Variants in PSMA4 observed in about 807,000 individuals in gnomAD.
PSMA4 encodes proteasome subunit alpha type-4.
In PSMA4, 8 loss-of-function variants were observed where a neutral mutation model predicts 37.2. That is an observed-to-expected ratio of 0.22 (90% CI 0.13 to 0.39). PSMA4 has a LOEUF of 0.39. PSMA4 is among the 10% of genes least tolerant of loss of function. The probability of loss-of-function intolerance (pLI) is 1.00; values close to 1 mark genes in which losing one functional copy is unlikely to be tolerated. For synonymous variants in PSMA4, 93 were observed against 98.8 expected, an observed-to-expected ratio of 0.94 and a Z score of 0.35; for missense variants, 169 against 305.1, an observed-to-expected ratio of 0.55 and a Z score of 3.32.
At position 78,550,215 on chromosome 15, in the gene PSMA4, A is replaced by G. The variant is rs1166688226; in HGVS notation, c.*1271A>G. 6.6e-6 allele frequency: 1 copy of G among 152,220 alleles called. No homozygotes were observed. Among genetic ancestry groups the G allele is most frequent in the African/African-American group, 2.4e-5 (1 of 41,456 alleles). 9.4% of individuals were successfully genotyped at this position (152,220 alleles called of 1,614,324 possible). A position where few individuals can be genotyped will look rare whatever the true frequency, so the allele number is the denominator to read the frequency against. ...ACAAGCCACTGGTCACATTTTTATC[A>G]ACTGATCAGTACATAACCTGTTTTT... is the stretch of plus-strand genomic sequence containing the variant. On this transcript the variant is annotated 3_prime_UTR_variant, in exon 9 of 9. Transcript: ENST00000044462.
At chr15:78,543,628 A>C (rs916268078) in intron 4 of PSMA4, among the ~76,000 whole-genome samples, 1 of 138,974 alleles carries the variant, frequency 7.2e-6, no homozygotes, top group Non-Finnish European at 1.5e-5. Context: ...GAGTACGGTG[A>C]CGCCATCTTG....
rs2052643795 is a variant in PSMA4 at position 78,551,554 on chromosome 15, T to TA, written c.*2610_*2611insA. 6.6e-6 allele frequency: 1 copy of TA among 152,000 alleles called. No homozygotes were observed. The highest frequency in any genetic ancestry group is 1.5e-5 in the Non-Finnish European group (1 of 68,032). 9.4% of individuals were successfully genotyped at this position (152,000 alleles called of 1,614,324 possible). A position where few individuals can be genotyped will look rare whatever the true frequency, so the allele number is the denominator to read the frequency against. On this transcript the variant is annotated 3_prime_UTR_variant, in exon 9 of 9. Transcript: ENST00000044462. ...TTTTCTATTCCCTATACATACCCTG[T>TA]TGAGTTTTTCTCCATAGCACTCATC...
chr15:78,540,469 C>A lies in PSMA4; in HGVS notation c.-94C>A, dbSNP rs1278048423. 1 of 152,424 alleles carries A rather than the reference C, an allele frequency of 6.6e-6. No homozygotes were observed. The highest frequency in any genetic ancestry group is 1.5e-5 in the Non-Finnish European group (1 of 68,200). The allele number at this position is 152,424 out of a possible 1,614,324, so 9.4% of individuals were successfully genotyped here. On this transcript the variant is annotated 5_prime_UTR_variant, in exon 1 of 9. Transcript: ENST00000044462. ...ATATTAGCAGCGGTTATTCGGTGAG[C>A]GGTGGTGGTTTATTCTTCCGTGGAG...
chr15:78,544,816 A>C (rs911429874), intron 5 of PSMA4, 53 bp from the exon 6 acceptor site: 49 of 1,232,204 alleles, frequency 4.0e-5, no homozygotes, highest in Non-Finnish European at 5.8e-5. Flanking sequence ...TTTTCCTTAG[A>C]GTCTGTCTGT....
intron 8 of PSMA4, among the ~76,000 whole-genome samples, chr15:78,548,231 CA>C (rs938797848): frequency 3.1e-4 from 44 of 141,892 alleles, no homozygotes; most frequent in South Asian, 4.5e-4. Flanking sequence ...AACTCCATCT[CA>C]AAAAAAAAAA....
intron 2 of PSMA4, 32 bp downstream of exon 2, chr15:78,541,962 C>T: frequency 6.3e-7 from 1 of 1,589,804 alleles, no homozygotes; most frequent in African/African-American, 1.4e-5. Flanking sequence ...TAAACGGTTG[C>T]CTGATAAACA....
intron 4 of PSMA4, 131 bp downstream of exon 4, chr15:78,542,776 C>T: frequency 2.4e-6 from 2 of 825,172 alleles, no homozygotes; most frequent in Non-Finnish European, 3.7e-6. Context: ...TGCTTGAAAC[C>T]TCTTTGAGGC....
intron 2 of PSMA4, 43 bp from the exon 3 acceptor site, chr15:78,542,134 A>G (rs41280046): frequency 0.05 from 79,894 of 1,596,852 alleles, 2,221 homozygotes; most frequent in Non-Finnish European, 0.057. Context: ...GAGTTGGCCT[A>G]CTTTCAGTGG....
chr15:78,545,544 T>G, intron 6 of PSMA4, 90 bp from the exon 7 acceptor site: 1 of 1,397,824 alleles, frequency 7.2e-7, no homozygotes, highest in Non-Finnish European at 1.0e-6. Context: ...GTTCACAGAG[T>G]AGGGTTTAGC....
intron 8 of PSMA4, among the ~76,000 whole-genome samples, chr15:78,548,461 G>A (rs1244097258): frequency 2.6e-5 from 4 of 152,060 alleles, no homozygotes; most frequent in East Asian, 3.8e-4. Context: ...TGAAGATTCT[G>A]GCTGAGCCCT....
At chr15:78,544,070 G>A (rs1438696224) in intron 4 of PSMA4, 120 bp from the exon 5 acceptor site, 4 of 657,228 alleles carry the variant, frequency 6.1e-6, no homozygotes, top group Non-Finnish European at 1.0e-5. Context: ...TCTGAAGGAA[G>A]TAGCTGTTGT....
chr15:78,544,065 A>C, intron 4 of PSMA4, 125 bp from the exon 5 acceptor site: 1 of 635,544 alleles, frequency 1.6e-6, no homozygotes, highest in East Asian at 2.9e-5. Context: ...TTTTTTCTGA[A>C]GGAAGTAGCT....
intron 8 of PSMA4, among the ~76,000 whole-genome samples, 188 bp downstream of exon 8, chr15:78,546,886 C>T (rs2052563092): frequency 6.6e-6 from 1 of 151,996 alleles, no homozygotes; most frequent in Non-Finnish European, 1.5e-5. Flanking sequence ...CTGCCTCAGC[C>T]TGCCGAGTAG....
rs139201724 is a variant in PSMA4, at chr15:78,548,180, G to A, written c.632-610G>A. On this transcript the variant is annotated intron_variant, in intron 8 of 8. Coordinates refer to ENST00000044462, the MANE Select transcript of PSMA4 (RefSeq NM_002789.6). ...CAGGAGGTGGAGGTTGCAGTGAGCC[G>A]AGTTTGCGCCATTGCACTCCAGCCT... 6.8e-3 allele frequency among the ~76,000 whole-genome samples: 1,033 copies of A among 151,952 alleles called. 18 individuals are homozygous for A. Among genetic ancestry groups the A allele is most frequent in the African/African-American group, 0.023 (972 of 41,438 alleles).
chr15:78,541,347 A>C (rs1255606898), intron 1 of PSMA4: 1 of 156,718 alleles, frequency 6.4e-6, no homozygotes, highest in African/African-American at 2.4e-5. Context: ...TTCAGGACCC[A>C]GATCACTCTC....
rs1979905 is a variant in PSMA4 at position 78,550,032 on chromosome 15, A to C, written c.*1088A>C. The C allele has an allele frequency of 0.67, 101,213 of 152,140 alleles. 34,375 individuals carry two copies. The highest frequency in any genetic ancestry group is 0.84 in the East Asian group (4,332 of 5,178). 9.4% of individuals were successfully genotyped at this position (152,140 alleles called of 1,614,324 possible). A position where few individuals can be genotyped will look rare whatever the true frequency, so the allele number is the denominator to read the frequency against. Reference sequence around the variant, plus strand: ...GTTTTCTGTATAGGCTAAAGTATTTACAAGCCCTATTTGCAGCACTTTTTT... The same window carrying C: ...GTTTTCTGTATAGGCTAAAGTATTTCCAAGCCCTATTTGCAGCACTTTTTT... On this transcript the variant is annotated 3_prime_UTR_variant, in exon 9 of 9. Transcript: ENST00000044462.
Position 78,548,904 on chromosome 15 carries a change from G to A in PSMA4, c.746G>A (p.Arg249His), listed in dbSNP as rs754693970. The change falls in exon 9 of 9, where the codon CGT becomes CAT. Residue 249 changes from arginine to histidine, a missense_variant. Physicochemically the swap from Arg to His is conservative, Grantham distance 29. This residue lies in a region of PSMA4 where 90 missense variants were observed against 92.7 expected (regional missense o/e 0.97). Transcript: ENST00000044462. ...KHEEEEAKAEREKKEKEQKEK... is the reference protein window; with the variant it reads ...KHEEEEAKAEHEKKEKEQKEK... ...GAGGAAGAAGAAGCCAAAGCTGAGC[G>A]TGAGAAGAAAGAAAAAGAACAGAAA... is the stretch of plus-strand genomic sequence containing the variant. 3.5e-5 allele frequency: 56 copies of A among 1,609,884 alleles called. No homozygotes were observed. Among genetic ancestry groups the A allele is most frequent in the Middle Eastern group, 1.7e-4 (1 of 6,048 alleles).
At position 78,545,623 on chromosome 15, in the gene PSMA4, CT is replaced by C; in HGVS notation, c.377-8del. 6.2e-7 allele frequency: 1 copy of C among 1,611,188 alleles called. No homozygotes were observed. Among genetic ancestry groups the C allele is most frequent in the Non-Finnish European group, 8.5e-7 (1 of 1,178,898 alleles). ...ATTATTGATATGTTTGGCTTTTTTTCTTTGTTAAAGGAAAACGTCCCTTTGG... is the reference window on the plus strand; with the variant it reads ...ATTATTGATATGTTTGGCTTTTTTTCTTGTTAAAGGAAAACGTCCCTTTGG... On this transcript the variant is annotated splice_polypyrimidine_tract_variant and intron_variant, in intron 6 of 8. Transcript: ENST00000044462.
At chr15:78,548,389 T>C (rs2052593434) in intron 8 of PSMA4, among the ~76,000 whole-genome samples, 1 of 152,202 alleles carries the variant, frequency 6.6e-6, no homozygotes, top group Non-Finnish European at 1.5e-5. Context: ...TTCATGCCTT[T>C]TATTTATTTA....
Sources: allele counts gnomAD v4.1 joint callset (sites outside exome capture counted in the v4.1 genomes callset), GRCh38; gene constraint gnomAD v4.1.1; regional missense constraint gnomAD v4.1.1; transcripts MANE v1.5; gene names NCBI Gene and HGNC (gene_info 2026-07-23, HGNC 2026-07-21).